Variants in CARNMT1 observed in about 807,000 individuals in gnomAD.
CARNMT1 encodes protein-L-histidine N-pros-methyltransferase CARNMT1.
In CARNMT1, 28 loss-of-function variants were observed where a neutral mutation model predicts 49.6. The ratio of observed to expected loss-of-function variants is 0.56; its 90% confidence interval spans 0.42 to 0.77. The LOEUF (loss-of-function observed/expected upper bound fraction) is 0.77. CARNMT1 is among the 30% of genes least tolerant of loss of function. The pLI, the probability that CARNMT1 is intolerant of heterozygous loss-of-function variation, is 0.00. For missense variants in CARNMT1, 421 were observed against 512.6 expected (o/e 0.82, Z 1.73); for synonymous variants, 178 against 175.0 (o/e 1.02, Z -0.13).
chr9:75,023,968 T>C (rs10781260), intron 1 of CARNMT1, among the ~76,000 whole-genome samples: 38,685 of 152,222 alleles, frequency 0.25, 6,328 homozygotes, highest in Non-Finnish European at 0.37. Context: ...ATCCTCTTGC[T>C]GATAAGAGGA....
At chr9:75,024,187 C>A (rs887269506) in intron 1 of CARNMT1, among the ~76,000 whole-genome samples, 1 of 152,172 alleles carries the variant, frequency 6.6e-6, no homozygotes, top group East Asian at 1.9e-4. Context: ...ATAGAAAAAA[C>A]ATAACTTGTC....
At chr9:74,987,321 A>G (rs1832875078) in intron 6 of CARNMT1, among the ~76,000 whole-genome samples, 1 of 152,228 alleles carries the variant, frequency 6.6e-6, no homozygotes, top group Non-Finnish European at 1.5e-5. Flanking sequence ...GCAGCCACAC[A>G]AAGATTTATA....
chr9:75,027,806 C>T (rs888286635), intron 1 of CARNMT1, among the ~76,000 whole-genome samples: 1 of 152,170 alleles, frequency 6.6e-6, no homozygotes, highest in Non-Finnish European at 1.5e-5. Context: ...GTGCAGCAGA[C>T]GGCGCGGCGG....
chr9:74,981,603 A>G lies in CARNMT1; in HGVS notation c.*2164T>C, dbSNP rs1832694907. On this transcript the variant is annotated 3_prime_UTR_variant, in exon 8 of 8. Coordinates refer to ENST00000376834, the MANE Select transcript of CARNMT1 (RefSeq NM_152420.3). Reference sequence around the variant, plus strand: ...CATGATATGAGGGATAAATTAACAAATGAAGTAACTGATTTCAGAATTAAC... The same window carrying G: ...CATGATATGAGGGATAAATTAACAAGTGAAGTAACTGATTTCAGAATTAAC... The G allele has an allele frequency of 6.6e-6, 1 of 152,154 alleles. No individual in the cohort carries two copies. The highest frequency in any genetic ancestry group is 2.1e-4 in the South Asian group (1 of 4,838). The allele number at this position is 152,154 out of a possible 1,614,324, so 9.4% of individuals were successfully genotyped here.
At chr9:74,987,709 A>T (rs1832886045) in intron 6 of CARNMT1, among the ~76,000 whole-genome samples, 1 of 152,172 alleles carries the variant, frequency 6.6e-6, no homozygotes, top group African/African-American at 2.4e-5. Context: ...ATGGTTACAC[A>T]ATTATCCAGT....
rs564978418 is a variant in CARNMT1 at position 74,982,346 on chromosome 9, A to G, written c.*1421T>C. 26 of 152,344 alleles carry G rather than the reference A, an allele frequency of 1.7e-4. No homozygotes were observed. Among genetic ancestry groups the G allele is most frequent in the Non-Finnish European group, 3.4e-4 (23 of 68,022 alleles). 9.4% of individuals were successfully genotyped at this position (152,344 alleles called of 1,614,324 possible). On this transcript the variant is annotated 3_prime_UTR_variant, in exon 8 of 8. Coordinates refer to ENST00000376834, the MANE Select transcript of CARNMT1 (RefSeq NM_152420.3). ...CAATCATCTGTGAAAATATTCAAGA[A>G]GAGTTCTTCCTTTTCTCCAAGAAAA...
chr9:74,981,952 TGTAA>T lies in CARNMT1; in HGVS notation c.*1811_*1814del, dbSNP rs1832703388. ...TTGCCACTAAATTCAAACTCATTCATGTAAGTAATAAGAATTTCCACCAAATGAA... is the reference window on the plus strand; with the variant it reads ...TTGCCACTAAATTCAAACTCATTCATGTAATAAGAATTTCCACCAAATGAA... On this transcript the variant is annotated 3_prime_UTR_variant, in exon 8 of 8. Coordinates refer to ENST00000376834, the MANE Select transcript of CARNMT1 (RefSeq NM_152420.3). 1.3e-5 allele frequency: 2 copies of T among 150,708 alleles called. No homozygotes were observed. The highest frequency in any genetic ancestry group is 2.1e-4 in the South Asian group (1 of 4,784). 9.3% of individuals were successfully genotyped at this position (150,708 alleles called of 1,614,324 possible). A position where few individuals can be genotyped will look rare whatever the true frequency, so the allele number is the denominator to read the frequency against.
At chr9:75,027,665 T>C (rs989391643) in intron 1 of CARNMT1, among the ~76,000 whole-genome samples, 1 of 152,230 alleles carries the variant, frequency 6.6e-6, no homozygotes, top group African/African-American at 2.4e-5. Flanking sequence ...TGGACGATTG[T>C]ACCACCATCG....
chr9:75,016,164 C>A lies in CARNMT1; in HGVS notation c.590+104G>T, dbSNP rs1286444281. On this transcript the variant is annotated intron_variant, in intron 3 of 7. Coordinates refer to ENST00000376834, the MANE Select transcript of CARNMT1 (RefSeq NM_152420.3). The stretch of plus-strand genomic sequence containing the variant: ...CACTTACACATGTAAAACATACAGG[C>A]ACACAGCAACTATAACAATGAAGCG... 3.7e-6 allele frequency: 3 copies of A among 812,440 alleles called. No individual in the cohort carries two copies. The East Asian group carries it at 7.6e-5, about 20-fold the overall frequency. 50.3% of individuals were successfully genotyped at this position (812,440 alleles called of 1,614,324 possible).
At chr9:74,995,745 T>C (rs1418959893) in intron 6 of CARNMT1, among the ~76,000 whole-genome samples, 1 of 152,176 alleles carries the variant, frequency 6.6e-6, no homozygotes, top group African/African-American at 2.4e-5. Flanking sequence ...AAAACCTTTA[T>C]GTTCTAGTCA....
At chr9:74,991,117 T>A (rs1357905761) in intron 6 of CARNMT1, 1 of 152,028 alleles carries the variant, frequency 6.6e-6, no homozygotes, top group African/African-American at 2.4e-5. Flanking sequence ...GTGCAAAACA[T>A]CTGGAATTCA....
Position 75,028,022 on chromosome 9 carries a change from G to A in CARNMT1, c.220C>T (p.Arg74Cys). The A allele has an allele frequency of 6.4e-7, 1 of 1,570,400 alleles. No individual in the cohort carries two copies. The highest frequency in any genetic ancestry group is 8.6e-7 in the Non-Finnish European group (1 of 1,161,330). Residue 74 changes from arginine to cysteine, a missense_variant, in exon 1 of 8, where the codon CGC (arginine) becomes TGC (cysteine). Transcript: ENST00000376834. Reference sequence around the variant, plus strand: ...CCACGGGCTCCTTACCCGTAGTAGCGGAAGGCATTAATGATCTTCCAGAAG... The same window carrying A: ...CCACGGGCTCCTTACCCGTAGTAGCAGAAGGCATTAATGATCTTCCAGAAG... ...EHFWKIINAFRYYGTSMHERV... is the reference protein window; with the variant it reads ...EHFWKIINAFCYYGTSMHERV...
chr9:75,012,084 T>G (rs1023381284), intron 3 of CARNMT1, among the ~76,000 whole-genome samples: 2 of 152,108 alleles, frequency 1.3e-5, no homozygotes, highest in Non-Finnish European at 1.5e-5. Context: ...AAATTAAAGA[T>G]ACTCTCCTGC....
rs1476865228 is a variant in CARNMT1 at position 74,985,134 on chromosome 9, G to T, written c.1025-124C>A. On this transcript the variant is annotated intron_variant, in intron 6 of 7. Transcript: ENST00000376834. Reference sequence around the variant, plus strand: ...ACAAACATAAAAAGTCTGGGCATTTGCTGAAAATGCCCAGACCTCTGAAAA... The same window carrying T: ...ACAAACATAAAAAGTCTGGGCATTTTCTGAAAATGCCCAGACCTCTGAAAA... 4.3e-6 allele frequency: 3 copies of T among 699,020 alleles called. No individual in the cohort carries two copies. The African/African-American group carries it at 5.4e-5, about 13-fold the overall frequency. The allele number at this position is 699,020 out of a possible 1,614,324, so 43.3% of individuals were successfully genotyped here.
chr9:74,992,277 A>G (rs959865333), intron 6 of CARNMT1, among the ~76,000 whole-genome samples: 8 of 152,126 alleles, frequency 5.3e-5, no homozygotes, highest in Non-Finnish European at 8.8e-5. Context: ...ATCTAAAAAA[A>G]AAAAAGAAAA....
chr9:74,992,305 A>G (rs1833050264), intron 6 of CARNMT1, among the ~76,000 whole-genome samples: 1 of 151,964 alleles, frequency 6.6e-6, no homozygotes, highest in Non-Finnish European at 1.5e-5. Context: ...CTGTAGCTTC[A>G]TAATGCTCTA....
intron 5 of CARNMT1, 35 bp from the exon 6 acceptor site, chr9:74,996,595 T>C (rs765490812): frequency 8.1e-7 from 1 of 1,240,318 alleles, no homozygotes; most frequent in Admixed American, 2.3e-5. Flanking sequence ...GCATCTGTTA[T>C]GTTATTTTGC....
chr9:74,981,576 T>A lies in CARNMT1; in HGVS notation c.*2191A>T, dbSNP rs1414313174. ...TGTATAGAACATTTAAAAAACAATATTCATGATATGAGGGATAAATTAACA... is the reference window on the plus strand; with the variant it reads ...TGTATAGAACATTTAAAAAACAATAATCATGATATGAGGGATAAATTAACA... On this transcript the variant is annotated 3_prime_UTR_variant, in exon 8 of 8. Transcript: ENST00000376834. The A allele has an allele frequency of 6.6e-6, 1 of 152,094 alleles. No individual in the cohort carries two copies. Among genetic ancestry groups the A allele is most frequent in the Non-Finnish European group, 1.5e-5 (1 of 67,982 alleles). The allele number at this position is 152,094 out of a possible 1,614,324, so 9.4% of individuals were successfully genotyped here. A position where few individuals can be genotyped will look rare whatever the true frequency, so the allele number is the denominator to read the frequency against.
chr9:75,027,216 T>C (rs1001366375), intron 1 of CARNMT1: 14 of 1,063,116 alleles, frequency 1.3e-5, no homozygotes, highest in Non-Finnish European at 1.7e-5. Context: ...ATTAAGCTAC[T>C]TTAACATCTA....
Sources: gnomAD v4.1 joint callset for allele counts (sites outside exome capture counted in the v4.1 genomes callset) on GRCh38, gnomAD v4.1.1 for gene constraint, MANE v1.5 for transcripts, NCBI Gene and HGNC (gene_info 2026-07-23, HGNC 2026-07-21) for gene names.